PARP1: variants seen among roughly 807,000 people sequenced by gnomAD.
The protein encoded by PARP1 is poly [ADP-ribose] polymerase 1.
PARP1 carries 44 observed loss-of-function variants against 118.7 expected under a neutral mutation model. The observed-to-expected ratio is 0.37, with a 90% confidence interval of 0.29 to 0.48. The LOEUF (loss-of-function observed/expected upper bound fraction) is 0.48, where lower values mean the gene tolerates loss of function less well. Among genes scored for constraint, PARP1 ranks in the 20% least tolerant of loss-of-function variants. The pLI is 0.99. For synonymous variants in PARP1, 492 were observed against 483.2 expected, an observed-to-expected ratio of 1.02 and a Z score of -0.24; for missense variants, 1,100 against 1,272.4, an observed-to-expected ratio of 0.86 and a Z score of 2.06.
chr1:226,367,118 A>C, intron 17 of PARP1: 1 of 318,170 alleles, frequency 3.1e-6, no homozygotes, highest in Non-Finnish European at 6.1e-6. Context: ...CTAAAAGTTC[A>C]CGCTACAAGG....
At chr1:226,382,578 G>A (rs951989722) in intron 8 of PARP1, among the ~76,000 whole-genome samples, 3 of 152,184 alleles carry the variant, frequency 2.0e-5, no homozygotes, top group Non-Finnish European at 4.4e-5. Flanking sequence ...CCAAGCTGGT[G>A]TGCATTAGCG....
intron 5 of PARP1, 147 bp downstream of exon 5, chr1:226,388,507 CTG>C: frequency 1.5e-6 from 1 of 666,588 alleles, no homozygotes; most frequent in South Asian, 1.6e-5. Flanking sequence ...GAAAAAGAAT[CTG>C]GGGAAAAGCC....
intron 22 of PARP1, 92 bp downstream of exon 22, chr1:226,361,877 T>C (rs536985730): frequency 5.2e-5 from 42 of 806,190 alleles, no homozygotes; most frequent in Non-Finnish European, 3.9e-5. Context: ...CCTCTAATCC[T>C]TGTCTGCCCC....
chr1:226,383,088 A>G lies in PARP1; in HGVS notation c.1107T>C (p.Pro369=), dbSNP rs1183465184. ...PETSASVAAT[P]PPSTASAPAA... ...CAGGAGCCGAGGCTGTGGAGGGCGG[A>G]GGCGTGGCCGCCACGGAGGCGCTGG... is the stretch of plus-strand genomic sequence containing the variant. The change falls in exon 8 of 23, where the codon CCT becomes CCC. Residue 369 remains proline, a synonymous_variant. Coordinates refer to ENST00000366794, the MANE Select transcript of PARP1 (RefSeq NM_001618.4). 1.2e-6 allele frequency: 2 copies of G among 1,613,058 alleles called. No homozygotes were observed. The highest frequency in any genetic ancestry group is 1.7e-6 in the Non-Finnish European group (2 of 1,179,964).
chr1:226,397,999 C>G (rs1234787245), intron 2 of PARP1, among the ~76,000 whole-genome samples: 1 of 150,410 alleles, frequency 6.6e-6, no homozygotes, highest in Non-Finnish European at 1.5e-5. Flanking sequence ...AATCTAGACA[C>G]AGACCTTACA....
At chr1:226,385,708 G>A (rs1664703168) in intron 6 of PARP1, 28 bp from the exon 7 acceptor site, 2 of 1,598,904 alleles carry the variant, frequency 1.3e-6, no homozygotes, top group Non-Finnish European at 1.7e-6. Flanking sequence ...ACATGTCAGA[G>A]GGCAAATGCG....
chr1:226,406,989 AC>A (rs1457448703), intron 1 of PARP1, among the ~76,000 whole-genome samples: 1 of 152,174 alleles, frequency 6.6e-6, no homozygotes, highest in African/African-American at 2.4e-5. Context: ...GCAGATGAGA[AC>A]CAGAATTATT....
At chr1:226,375,635 T>G (rs1240640909) in intron 13 of PARP1, among the ~76,000 whole-genome samples, 1 of 152,244 alleles carries the variant, frequency 6.6e-6, no homozygotes, top group Non-Finnish European at 1.5e-5. Flanking sequence ...ATTTTCTCAT[T>G]AATAATTTTA....
chr1:226,363,865 G>T, intron 20 of PARP1, 78 bp downstream of exon 20: 1 of 1,512,058 alleles, frequency 6.6e-7, no homozygotes, highest in Non-Finnish European at 9.2e-7. Context: ...TACTCTCCCA[G>T]CCAAGGGGAG....
intron 2 of PARP1, among the ~76,000 whole-genome samples, chr1:226,394,392 T>C (rs1268439106): frequency 6.6e-6 from 1 of 152,118 alleles, no homozygotes. Flanking sequence ...GGTATGTTAG[T>C]AGAGAAATGG....
chr1:226,385,896 T>G (rs1458115433), intron 6 of PARP1, among the ~76,000 whole-genome samples: 1 of 152,154 alleles, frequency 6.6e-6, no homozygotes, highest in Non-Finnish European at 1.5e-5. Flanking sequence ...CAAGTGTTCC[T>G]GCAGCGCCCC....
chr1:226,383,098 G>A lies in PARP1; in HGVS notation c.1097C>T (p.Ala366Val), dbSNP rs1407958928. ...IFPPETSASV[A>V]ATPPPSTASA... is the part of the protein sequence containing the mutation. The stretch of plus-strand genomic sequence containing the variant: ...GGCTGTGGAGGGCGGAGGCGTGGCC[G>A]CCACGGAGGCGCTGGTTTCTGGGGG... Residue 366 changes from alanine (A) to valine (V), a missense_variant, in exon 8 of 23, where the codon GCG (alanine) becomes GTG (valine). Physicochemically the swap from Ala to Val is moderately conservative, Grantham distance 64. Coordinates refer to ENST00000366794, the MANE Select transcript of PARP1 (RefSeq NM_001618.4). 4 of 1,613,098 alleles carry A rather than the reference G, an allele frequency of 2.5e-6. No homozygotes were observed. The highest frequency in any genetic ancestry group is 2.2e-5 in the East Asian group (1 of 44,882).
At position 226,368,238 on chromosome 1, in the gene PARP1, C is replaced by A. The variant is rs2102728859; in HGVS notation, c.2238G>T (p.Met746Ile). 1 of 1,614,234 alleles carries A rather than the reference C, an allele frequency of 6.2e-7. No individual in the cohort carries two copies. The highest frequency in any genetic ancestry group is 1.7e-5 in the Admixed American group (1 of 60,032). ...FYTLIPHDFG[M>I]KKPPLLNNAD... ...CATTGTTCAGGAGCGGAGGCTTCTT[C>A]ATCCCAAAGTCGTGGGGGATCAGGG... The change falls in exon 16 of 23, where the codon ATG becomes ATT. Residue 746 changes from methionine to isoleucine, a missense_variant. This residue lies in a region of PARP1 where 948 missense variants were observed against 1,031.8 expected (regional missense o/e 0.92). Transcript: ENST00000366794.
In PARP1 at chr1:226,361,181, A is replaced by G. The variant is rs1664127888; in HGVS notation, c.*279T>C. The G allele has an allele frequency of 9.4e-6, 5 of 531,026 alleles. No individual in the cohort carries two copies. Among genetic ancestry groups the G allele is most frequent in the Non-Finnish European group, 1.4e-5 (4 of 293,414 alleles). The allele number at this position is 531,026 out of a possible 1,614,324, so 32.9% of individuals were successfully genotyped here. ...TTTTTCCATAGGACTAGTCTATGCA[A>G]CAGAATCTCTCTCCAGCCTTTTCTC... On this transcript the variant is annotated 3_prime_UTR_variant, in exon 23 of 23. Coordinates refer to ENST00000366794, the MANE Select transcript of PARP1 (RefSeq NM_001618.4).
At chr1:226,361,792 A>G in intron 22 of PARP1, 177 bp downstream of exon 22, 1 of 679,316 alleles carries the variant, frequency 1.5e-6, no homozygotes, top group Non-Finnish European at 2.7e-6. Context: ...GAAGGCTCAT[A>G]CCCTGTAAGC....
intron 2 of PARP1, among the ~76,000 whole-genome samples, chr1:226,397,957 A>G (rs1210638218): frequency 6.6e-6 from 1 of 150,894 alleles, no homozygotes; most frequent in Non-Finnish European, 1.5e-5. Flanking sequence ...GGACATCCAC[A>G]TGCGAAAAAA....
intron 18 of PARP1, among the ~76,000 whole-genome samples, 173 bp downstream of exon 18, chr1:226,365,781 A>AC (rs1301993012): frequency 9.5e-4 from 43 of 45,218 alleles, no homozygotes; most frequent in South Asian, 5.3e-3. Flanking sequence ...AAAAAAACAA[A>AC]AAACAAACAA....
chr1:226,366,244 C>T lies in PARP1; in HGVS notation c.2407-192G>A, dbSNP rs3219137. 4,188 of 593,900 alleles carry T rather than the reference C, an allele frequency of 7.1e-3. 148 individuals are homozygous for T. Among genetic ancestry groups the T allele is most frequent in the African/African-American group, 0.069 (3,717 of 53,784 alleles). 36.8% of individuals were successfully genotyped at this position (593,900 alleles called of 1,614,324 possible). On this transcript the variant is annotated intron_variant, in intron 17 of 22. Coordinates refer to ENST00000366794, the MANE Select transcript of PARP1 (RefSeq NM_001618.4). ...CAGTGGCTCCACTTACCTAAGCCTC[C>T]ACCTCTTCATCTACTTGGGCTGCTA...
At position 226,408,030 on chromosome 1, in the gene PARP1, C is replaced by CT; in HGVS notation, c.-102dup. 1 of 1,557,184 alleles carries CT rather than the reference C, an allele frequency of 6.4e-7. No homozygotes were observed. Among genetic ancestry groups the CT allele is most frequent in the African/African-American group, 1.4e-5 (1 of 73,998 alleles). Reference sequence around the variant, plus strand: ...CGTGCGCTCACCCAGCCGCAGGCGCCTGAGCGGCCAGAGCCGCCACCGAAC... The same window carrying CT: ...CGTGCGCTCACCCAGCCGCAGGCGCCTTGAGCGGCCAGAGCCGCCACCGAAC... On this transcript the variant is annotated 5_prime_UTR_variant, in exon 1 of 23. Transcript: ENST00000366794.
Sources: gnomAD v4.1 joint callset for allele counts (sites outside exome capture counted in the v4.1 genomes callset) on GRCh38, gnomAD v4.1.1 for gene constraint, gnomAD v4.1.1 regional missense constraint, MANE v1.5 for transcripts, NCBI Gene and HGNC (gene_info 2026-07-23, HGNC 2026-07-21) for gene names.